Variants in RARB observed in about 807,000 individuals in gnomAD.
The protein encoded by RARB is HBV-activated protein.
A neutral mutation model predicts 51.9 loss-of-function variants in RARB; 17 were observed. That is an observed-to-expected ratio of 0.33 (90% CI 0.22 to 0.49). The LOEUF is 0.49. RARB is among the 20% of genes least tolerant of loss of function. The probability of loss-of-function intolerance (pLI) is 0.99; values close to 1 mark genes in which losing one functional copy is unlikely to be tolerated. For synonymous variants in RARB, 215 were observed against 195.4 expected, an observed-to-expected ratio of 1.10 and a Z score of -0.84; for missense variants, 369 against 550.8, an observed-to-expected ratio of 0.67 and a Z score of 3.30.
intron 5 of RARB, among the ~76,000 whole-genome samples, chr3:25,333,952 G>C (rs1179454346): frequency 6.6e-6 from 1 of 152,206 alleles, no homozygotes; most frequent in East Asian, 1.9e-4. Flanking sequence ...GGCCATCAGA[G>C]AAATGCAGAT....
At position 25,258,326 on chromosome 3, in the gene RARB, G is replaced by T. The variant is rs910878889; in HGVS notation, c.178+83751G>T. ...TCACCCCAAAGTGATGATTTTGAATGGTCAGCACTCTTCTGTGATAGTTGT... is the reference window on the plus strand; with the variant it reads ...TCACCCCAAAGTGATGATTTTGAATTGTCAGCACTCTTCTGTGATAGTTGT... On this transcript the variant is annotated intron_variant, in intron 5 of 11. Transcript: ENST00000383772. 3.3e-5 allele frequency among the ~76,000 whole-genome samples: 5 copies of T among 152,114 alleles called. No individual in the cohort carries two copies. In the East Asian group the frequency reaches 9.6e-4, roughly 29 times the overall value.
intron 2 of RARB, among the ~76,000 whole-genome samples, chr3:24,863,882 C>T (rs1024789071): frequency 2.6e-5 from 4 of 152,068 alleles, no homozygotes; most frequent in African/African-American, 9.7e-5. Flanking sequence ...TTCCATTCTT[C>T]CTGCCCATGT....
intron 5 of RARB, among the ~76,000 whole-genome samples, chr3:25,264,004 T>A (rs1703066958): frequency 6.6e-6 from 1 of 152,140 alleles, no homozygotes; most frequent in South Asian, 2.1e-4. Flanking sequence ...TTTTGCACAA[T>A]GGCAACAGAA....
intron 2 of RARB, among the ~76,000 whole-genome samples, chr3:24,941,658 C>T (rs9821702): frequency 0.086 from 13,093 of 152,054 alleles, 1,354 homozygotes; most frequent in African/African-American, 0.24. Context: ...CATGAGCCAC[C>T]GTGCCCAGAT....
intron 5 of RARB, among the ~76,000 whole-genome samples, chr3:25,240,995 C>G (rs1702417328): frequency 6.6e-6 from 1 of 152,146 alleles, no homozygotes; most frequent in Non-Finnish European, 1.5e-5. Context: ...ATTACCAAGT[C>G]AATCTCATTA....
At chr3:25,045,084 T>A (rs1456805794) in intron 2 of RARB, among the ~76,000 whole-genome samples, 1 of 152,178 alleles carries the variant, frequency 6.6e-6, no homozygotes, top group Non-Finnish European at 1.5e-5. Flanking sequence ...TTCAGTGGCA[T>A]CAGGAGGTTT....
At chr3:25,266,838 G>A (rs1343402017) in intron 5 of RARB, among the ~76,000 whole-genome samples, 2 of 152,194 alleles carry the variant, frequency 1.3e-5, no homozygotes, top group African/African-American at 2.4e-5. Context: ...GCCAGGAGAA[G>A]AGCCTCACCA....
chr3:24,850,535 G>T (rs1225175709), intron 1 of RARB, among the ~76,000 whole-genome samples: 3 of 152,230 alleles, frequency 2.0e-5, no homozygotes, highest in Non-Finnish European at 4.4e-5. Context: ...AGAGTCAAGA[G>T]ATTTTGTTGT....
intron 3 of RARB, among the ~76,000 whole-genome samples, chr3:25,063,350 A>T (rs1465897540): frequency 6.6e-6 from 1 of 152,046 alleles, no homozygotes; most frequent in Non-Finnish European, 1.5e-5. Flanking sequence ...TAACTGAGAG[A>T]TATCAGATTT....
chr3:25,468,556 A>C (rs754150373), intron 2 of RARB, among the ~76,000 whole-genome samples: 2 of 36,894 alleles, frequency 5.4e-5, no homozygotes, highest in South Asian at 1.5e-3. Context: ...TTTTCCTGTT[A>C]AAAAAAACAC....
Position 25,094,396 on chromosome 3 carries a change from G to A in RARB, c.-328+34220G>A, listed in dbSNP as rs541982143. ...AAATTCTCTGGAGGAACCCCATGAA[G>A]AAGGTAATATCATTCTCATTTTACA... is the stretch of plus-strand genomic sequence containing the variant. On this transcript the variant is annotated intron_variant, in intron 3 of 11. Transcript: ENST00000383772. Among the ~76,000 whole-genome samples the A allele has an allele frequency of 5.1e-4, 77 of 152,176 alleles. 1 individual carries two copies. Among genetic ancestry groups the A allele is most frequent in the South Asian group, 2.1e-4 (1 of 4,810 alleles).
chr3:25,086,119 C>G (rs1484835131), intron 3 of RARB, among the ~76,000 whole-genome samples: 1 of 152,112 alleles, frequency 6.6e-6, no homozygotes, highest in South Asian at 2.1e-4. Context: ...GAGGTTCAGT[C>G]AACTATTAAT....
chr3:25,022,448 T>A (rs1036366143), intron 2 of RARB, among the ~76,000 whole-genome samples: 8 of 152,220 alleles, frequency 5.3e-5, no homozygotes, highest in African/African-American at 1.9e-4. Context: ...TTATCACCGA[T>A]GCTGTTAATG....
chr3:25,528,778 A>G (rs77677088), intron 3 of RARB, among the ~76,000 whole-genome samples: 3,519 of 151,540 alleles, frequency 0.023, 137 homozygotes, highest in African/African-American at 0.079. Context: ...CCAGAGGACT[A>G]CTCCACACAG....
chr3:25,255,039 G>C (rs1660511741), intron 5 of RARB, among the ~76,000 whole-genome samples: 1 of 152,058 alleles, frequency 6.6e-6, no homozygotes, highest in Non-Finnish European at 1.5e-5. Context: ...GTCTAAACTA[G>C]GGGCTGCTCC....
chr3:25,557,148 C>CAT (rs1700094963), intron 3 of RARB, among the ~76,000 whole-genome samples: 1 of 84,410 alleles, frequency 1.2e-5, no homozygotes, highest in Non-Finnish European at 2.8e-5. Flanking sequence ...CACACACACA[C>CAT]ACACACACAC....
intron 5 of RARB, among the ~76,000 whole-genome samples, chr3:25,206,832 C>T (rs973361828): frequency 2.6e-5 from 4 of 152,160 alleles, no homozygotes; most frequent in African/African-American, 9.7e-5. Context: ...TCCATGTTCA[C>T]CACTTACACC....
intron 2 of RARB, among the ~76,000 whole-genome samples, chr3:25,038,053 C>T (rs938657457): frequency 6.6e-6 from 1 of 151,914 alleles, no homozygotes; most frequent in South Asian, 2.1e-4. Context: ...TGCTTATAAA[C>T]CTCTCCAATA....
intron 2 of RARB, among the ~76,000 whole-genome samples, chr3:24,984,243 T>C (rs1325129729): frequency 6.6e-6 from 1 of 152,186 alleles, no homozygotes; most frequent in Non-Finnish European, 1.5e-5. Context: ...GTGGAGATGC[T>C]AATAAATATA....
Sources: gnomAD v4.1 joint callset for allele counts (sites outside exome capture counted in the v4.1 genomes callset) on GRCh38, gnomAD v4.1.1 for gene constraint, MANE v1.5 for transcripts, NCBI Gene and HGNC (gene_info 2026-07-23, HGNC 2026-07-21) for gene names.